SCNN1G: variants seen among roughly 807,000 people sequenced by gnomAD.
SCNN1G encodes the protein epithelial sodium channel subunit gamma.
Under a neutral mutation model 64.6 loss-of-function variants are expected in SCNN1G, and 27 were observed. The ratio of observed to expected loss-of-function variants is 0.42; its 90% CI spans 0.31 to 0.58. SCNN1G has a LOEUF of 0.58. SCNN1G is among the 20% of genes least tolerant of loss of function. The probability of loss-of-function intolerance (pLI) is 0.18; values close to 1 mark genes in which losing one functional copy is unlikely to be tolerated. For missense variants in SCNN1G, 743 were observed against 823.4 expected, an observed-to-expected ratio of 0.90 and a Z score of 1.19; for synonymous variants, 330 against 314.2, an observed-to-expected ratio of 1.05 and a Z score of -0.53.
intron 6 of SCNN1G, among the ~76,000 whole-genome samples, chr16:23,202,629 A>G (rs898260948): frequency 1.3e-5 from 2 of 152,252 alleles, no homozygotes; most frequent in Non-Finnish European, 2.9e-5. Flanking sequence ...TAGTAATTCT[A>G]GAAAGAAATG....
intron 6 of SCNN1G, among the ~76,000 whole-genome samples, chr16:23,199,404 A>G (rs1959848724): frequency 6.6e-6 from 1 of 152,184 alleles, no homozygotes. Flanking sequence ...AACTAAAAGC[A>G]ATGGTGCAAT....
chr16:23,184,857 C>A (rs1391552429), intron 1 of SCNN1G, among the ~76,000 whole-genome samples: 1 of 152,150 alleles, frequency 6.6e-6, no homozygotes, highest in Non-Finnish European at 1.5e-5. Context: ...ACCCTGTATG[C>A]CCTAGGATAT....
intron 6 of SCNN1G, among the ~76,000 whole-genome samples, chr16:23,206,935 C>G (rs1960000942): frequency 6.6e-6 from 1 of 152,194 alleles, no homozygotes; most frequent in African/African-American, 2.4e-5. Flanking sequence ...CTAGCCTCCA[C>G]AAGCCAGCAG....
intron 2 of SCNN1G, among the ~76,000 whole-genome samples, chr16:23,186,822 C>CT (rs35352485): frequency 1.4e-4 from 22 of 151,992 alleles, no homozygotes; most frequent in African/African-American, 4.8e-4. Flanking sequence ...TTTCTTTTTC[C>CT]TTTTTTGAGA....
chr16:23,207,101 T>C (rs1484437032), intron 6 of SCNN1G, among the ~76,000 whole-genome samples: 2 of 152,210 alleles, frequency 1.3e-5, no homozygotes, highest in African/African-American at 4.8e-5. Flanking sequence ...ATAAGCATCG[T>C]TGCAGAATGA....
chr16:23,198,083 T>C (rs1959826774), intron 6 of SCNN1G, among the ~76,000 whole-genome samples: 1 of 152,176 alleles, frequency 6.6e-6, no homozygotes, highest in Non-Finnish European at 1.5e-5. Context: ...TGTCAATAAC[T>C]GTATTAAAGC....
intron 6 of SCNN1G, among the ~76,000 whole-genome samples, chr16:23,205,718 AG>A (rs992003534): frequency 6.9e-6 from 1 of 144,326 alleles, no homozygotes; most frequent in African/African-American, 2.5e-5. Context: ...AAAAAAAAAA[AG>A]TCCCTCCCAG....
At chr16:23,186,956 G>A (rs755823707) in intron 2 of SCNN1G, among the ~76,000 whole-genome samples, 15 of 151,928 alleles carry the variant, frequency 9.9e-5, no homozygotes, top group South Asian at 8.3e-4. Flanking sequence ...GTACCACAGC[G>A]CCAGGCTAAT....
At chr16:23,197,501 G>A (rs1246249610) in intron 6 of SCNN1G, 74 bp downstream of exon 6, 1 of 1,337,198 alleles carries the variant, frequency 7.5e-7, no homozygotes, top group Non-Finnish European at 1.1e-6. Flanking sequence ...CCAATGGGGT[G>A]CAGCTTATGG....
At chr16:23,192,863 G>A (rs996917771) in intron 4 of SCNN1G, among the ~76,000 whole-genome samples, 10 of 151,722 alleles carry the variant, frequency 6.6e-5, no homozygotes, top group African/African-American at 2.4e-4. Flanking sequence ...GAGGCTAGGA[G>A]TTCAAGACCA....
rs927397064 is a variant in SCNN1G, at chr16:23,195,404, C to A, written c.913+1130C>A. Reference sequence around the variant, plus strand: ...GGAAGGTAGGAACTGAACAGATTGGCCTGGCTTATGCCCAAAAGGAATTCT... The same window carrying A: ...GGAAGGTAGGAACTGAACAGATTGGACTGGCTTATGCCCAAAAGGAATTCT... On this transcript the variant is annotated intron_variant, in intron 5 of 12. Transcript: ENST00000300061. Among the ~76,000 whole-genome samples, 4 of 152,128 alleles carry A rather than the reference C, an allele frequency of 2.6e-5. No homozygotes were observed. The East Asian group carries it at 5.8e-4, about 22-fold the overall frequency.
chr16:23,196,725 T>C (rs1959800451), intron 5 of SCNN1G, among the ~76,000 whole-genome samples: 1 of 152,360 alleles, frequency 6.6e-6, no homozygotes, highest in South Asian at 2.1e-4. Flanking sequence ...GCCAGGACTC[T>C]GCAACTTTTC....
intron 1 of SCNN1G, among the ~76,000 whole-genome samples, chr16:23,183,548 G>T (rs540497515): frequency 6.6e-6 from 1 of 152,164 alleles, no homozygotes; most frequent in South Asian, 2.1e-4. Flanking sequence ...TGAGGAGGGG[G>T]TGCACGGAGC....
intron 8 of SCNN1G, among the ~76,000 whole-genome samples, 180 bp downstream of exon 8, chr16:23,212,331 T>C (rs1960093252): frequency 6.6e-6 from 1 of 152,242 alleles, no homozygotes; most frequent in African/African-American, 2.4e-5. Context: ...ACTTTGCAAC[T>C]GACCACCTTA....
In SCNN1G at chr16:23,186,238, C is replaced by G; in HGVS notation, c.-34C>G. On this transcript the variant is annotated 5_prime_UTR_variant, in exon 2 of 13. Coordinates refer to ENST00000300061, the MANE Select transcript of SCNN1G (RefSeq NM_001039.4). ...TCTTTGCCCCTCCAGCACGCCCGTC[C>G]TCAGAGTCCCGTCCTCAAAGTCCCA... 1 of 1,611,832 alleles carries G rather than the reference C, an allele frequency of 6.2e-7. No individual in the cohort carries two copies. The highest frequency in any genetic ancestry group is 8.5e-7 in the Non-Finnish European group (1 of 1,177,988).
Position 23,212,119 on chromosome 16 carries a change from A to C in SCNN1G, c.1262A>C (p.Asn421Thr). ...QYSQPLPPAANYCNYQQHPNW... is the reference protein window; with the variant it reads ...QYSQPLPPAATYCNYQQHPNW... Reference sequence around the variant, plus strand: ...AGCCAGCCTCTACCTCCTGCAGCCAACTACTGCAACTACCAGCAGCACCCC... The same window carrying C: ...AGCCAGCCTCTACCTCCTGCAGCCACCTACTGCAACTACCAGCAGCACCCC... Residue 421 changes from asparagine to threonine, a missense_variant, in exon 8 of 13, where the codon AAC (asparagine) becomes ACC (threonine). Transcript: ENST00000300061. The C allele has an allele frequency of 6.2e-7, 1 of 1,612,990 alleles. No homozygotes were observed. The highest frequency in any genetic ancestry group is 8.5e-7 in the Non-Finnish European group (1 of 1,179,010).
intron 7 of SCNN1G, among the ~76,000 whole-genome samples, chr16:23,211,709 G>A (rs1040151346): frequency 7.2e-5 from 11 of 152,184 alleles, no homozygotes; most frequent in Non-Finnish European, 2.9e-5. Flanking sequence ...CTACTTGGGA[G>A]GCTGAGGTGG....
At chr16:23,183,930 G>A (rs567819313) in intron 1 of SCNN1G, among the ~76,000 whole-genome samples, 4 of 152,124 alleles carry the variant, frequency 2.6e-5, no homozygotes, top group Non-Finnish European at 4.4e-5. Context: ...ACCTGTCAGC[G>A]TCTGTTTCAT....
intron 6 of SCNN1G, among the ~76,000 whole-genome samples, chr16:23,201,131 A>G (rs1177398408): frequency 1.3e-5 from 2 of 152,224 alleles, no homozygotes; most frequent in African/African-American, 4.8e-5. Context: ...TGGGCAACTC[A>G]TTCTTTTGTT....
Sources: allele counts gnomAD v4.1 joint callset (sites outside exome capture counted in the v4.1 genomes callset), GRCh38; gene constraint gnomAD v4.1.1; transcripts MANE v1.5; gene names NCBI Gene and HGNC (gene_info 2026-07-23, HGNC 2026-07-21).